ZFAND3: variants seen among roughly 807,000 people sequenced by gnomAD.
ZFAND3 encodes AN1-type zinc finger protein 3.
In ZFAND3, 10 loss-of-function variants were observed where a neutral mutation model predicts 29.6. The ratio of observed to expected loss-of-function variants is 0.34; its 90% CI spans 0.21 to 0.57. The LOEUF is 0.57. Ranked by LOEUF, ZFAND3 falls within the 20% of genes least tolerant of loss-of-function variation. The probability of loss-of-function intolerance (pLI) is 0.86; values close to 1 mark genes in which losing one functional copy is unlikely to be tolerated. For missense variants in ZFAND3, 230 were observed against 304.5 expected (o/e 0.76, Z 1.82); for synonymous variants, 128 against 112.6 (o/e 1.14, Z -0.87).
At chr6:38,014,607 G>A (rs991938808) in intron 2 of ZFAND3, among the ~76,000 whole-genome samples, 15 of 152,282 alleles carry the variant, frequency 9.9e-5, no homozygotes, top group African/African-American at 3.4e-4. Flanking sequence ...GATTACAGGC[G>A]TGAGCCACCA....
intron 5 of ZFAND3, among the ~76,000 whole-genome samples, chr6:38,141,270 T>G (rs1439815095): frequency 6.6e-6 from 1 of 152,206 alleles, no homozygotes; most frequent in African/African-American, 2.4e-5. Context: ...GCTCTTCCTT[T>G]CACTACAGCT....
At chr6:38,093,851 G>A (rs1026368223) in intron 4 of ZFAND3, among the ~76,000 whole-genome samples, 9 of 152,282 alleles carry the variant, frequency 5.9e-5, no homozygotes, top group Non-Finnish European at 8.8e-5. Flanking sequence ...GGGAGAGACA[G>A]GGTCGGGCAT....
At chr6:37,923,625 C>G (rs1207228370) in intron 1 of ZFAND3, among the ~76,000 whole-genome samples, 2 of 152,154 alleles carry the variant, frequency 1.3e-5, no homozygotes, top group Non-Finnish European at 2.9e-5. Context: ...GTATTATGTA[C>G]TATACATAAC....
intron 4 of ZFAND3, among the ~76,000 whole-genome samples, chr6:38,110,105 T>G (rs1033143519): frequency 6.6e-6 from 1 of 152,148 alleles, no homozygotes; most frequent in African/African-American, 2.4e-5. Flanking sequence ...CATGGCATCC[T>G]AGGAGTATTT....
chr6:37,950,227 G>A (rs919108302), intron 2 of ZFAND3, among the ~76,000 whole-genome samples: 1 of 147,010 alleles, frequency 6.8e-6, no homozygotes, highest in African/African-American at 2.5e-5. Context: ...GGTTTTCATA[G>A]TTTTAGGTTT....
At chr6:38,023,173 CCAGA>C (rs1763382759) in intron 2 of ZFAND3, among the ~76,000 whole-genome samples, 1 of 152,116 alleles carries the variant, frequency 6.6e-6, no homozygotes. Flanking sequence ...AGAAAGCTAG[CCAGA>C]CACTGAATCA....
At chr6:38,049,970 G>GTTTTTT (rs1203997629) in intron 2 of ZFAND3, among the ~76,000 whole-genome samples, 2 of 7,258 alleles carry the variant, frequency 2.8e-4, no homozygotes, top group African/African-American at 6.9e-4. Context: ...TTTTTTTTTG[G>GTTTTTT]GGGAGACAGA....
At chr6:38,054,462 T>C (rs1764095710) in intron 2 of ZFAND3, among the ~76,000 whole-genome samples, 1 of 151,264 alleles carries the variant, frequency 6.6e-6, no homozygotes, top group African/African-American at 2.4e-5. Flanking sequence ...CTGTCTATTC[T>C]GAGATCAGTG....
intron 3 of ZFAND3, among the ~76,000 whole-genome samples, chr6:38,078,024 A>C (rs761706486): frequency 6.6e-6 from 1 of 152,140 alleles, no homozygotes; most frequent in African/African-American, 2.4e-5. Flanking sequence ...ATCTTTATTT[A>C]CTTCTGTTTT....
chr6:37,884,254 G>T (rs1764949466), intron 1 of ZFAND3, among the ~76,000 whole-genome samples: 1 of 144,834 alleles, frequency 6.9e-6, no homozygotes, highest in Admixed American at 6.7e-5. Context: ...AGCACTTTGG[G>T]CGGCTGAGGT....
chr6:37,906,651 A>G (rs994931093), intron 1 of ZFAND3, among the ~76,000 whole-genome samples: 1 of 150,918 alleles, frequency 6.6e-6, no homozygotes, highest in African/African-American at 2.4e-5. Flanking sequence ...TCCATTAGCA[A>G]TGTATGAGGG....
chr6:38,020,228 A>G (rs1763323599), intron 2 of ZFAND3, among the ~76,000 whole-genome samples: 1 of 152,210 alleles, frequency 6.6e-6, no homozygotes, highest in African/African-American at 2.4e-5. Flanking sequence ...TAGTTACGAG[A>G]ATTGGAAGAT....
At chr6:37,989,867 A>G (rs1299747912) in intron 2 of ZFAND3, among the ~76,000 whole-genome samples, 1 of 152,190 alleles carries the variant, frequency 6.6e-6, no homozygotes, top group Non-Finnish European at 1.5e-5. Context: ...AAGGTTGTTG[A>G]AGTAATACTC....
intron 1 of ZFAND3, among the ~76,000 whole-genome samples, chr6:37,835,384 T>C (rs1441266290): frequency 1.3e-5 from 2 of 152,040 alleles, no homozygotes; most frequent in African/African-American, 4.8e-5. Flanking sequence ...CTTGAACTCC[T>C]GGGCTCCAGT....
chr6:37,908,529 T>TAA (rs71542146), intron 1 of ZFAND3, among the ~76,000 whole-genome samples: 8 of 83,046 alleles, frequency 9.6e-5, no homozygotes, highest in Admixed American at 2.6e-4. Flanking sequence ...AAAGTATAAT[T>TAA]AAAAAAAAAA....
chr6:37,836,910 C>G (rs1763978622), intron 1 of ZFAND3, among the ~76,000 whole-genome samples: 1 of 152,158 alleles, frequency 6.6e-6, no homozygotes, highest in Admixed American at 6.5e-5. Flanking sequence ...TCTCTCTCAG[C>G]TTTTGTTTTT....
chr6:37,823,980 G>A (rs765144953), intron 1 of ZFAND3, among the ~76,000 whole-genome samples: 20 of 152,082 alleles, frequency 1.3e-4, no homozygotes, highest in Non-Finnish European at 2.5e-4. Context: ...TAGTAGAGAC[G>A]TGGGAGACTG....
chr6:38,101,769 T>C (rs1581918229), intron 4 of ZFAND3, among the ~76,000 whole-genome samples: 1 of 67,314 alleles, frequency 1.5e-5, no homozygotes, highest in Non-Finnish European at 2.5e-5. Context: ...CGAGACTCCC[T>C]CTCAAAAAAA....
intron 2 of ZFAND3, among the ~76,000 whole-genome samples, chr6:37,941,462 G>A (rs973511195): frequency 2.6e-5 from 4 of 152,172 alleles, no homozygotes; most frequent in Non-Finnish European, 5.9e-5. Context: ...TTAGGAAAAG[G>A]TGTGCATATG....
Sources: allele counts gnomAD v4.1 joint callset (sites outside exome capture counted in the v4.1 genomes callset), GRCh38; gene constraint gnomAD v4.1.1; transcripts MANE v1.5; gene names NCBI Gene and HGNC (gene_info 2026-07-23, HGNC 2026-07-21).